Variants in AKR1C8 observed in about 807,000 individuals in gnomAD.
AKR1C8 encodes aldo-keto reductase family 1 member C8.
the AKR1C8 span, among the ~76,000 whole-genome samples, chr10:5,142,094 T>A: frequency 6.6e-6 from 1 of 152,144 alleles, no homozygotes; most frequent in Non-Finnish European, 1.5e-5. Flanking sequence ...CATCAGTACT[T>A]GCTTTATTTT....
chr10:5,158,210 A>G, the AKR1C8 span, among the ~76,000 whole-genome samples: 1 of 152,224 alleles, frequency 6.6e-6, no homozygotes, highest in Non-Finnish European at 1.5e-5. Flanking sequence ...TTTCCTAGCA[A>G]TGAGAAGTTA....
chr10:5,167,072 A>G, the AKR1C8 span, among the ~76,000 whole-genome samples: 1 of 152,186 alleles, frequency 6.6e-6, no homozygotes, highest in Non-Finnish European at 1.5e-5. Flanking sequence ...TACAAATCAA[A>G]CCCACAATGA....
the AKR1C8 span, chr10:5,123,694 C>T: frequency 0.33 from 516,707 of 1,585,800 alleles, 91,570 homozygotes; most frequent in Non-Finnish European, 0.37. Context: ...AGGTAAACTT[C>T]CTGATGCTCT....
chr10:5,175,384 A>G, the AKR1C8 span, among the ~76,000 whole-genome samples: 1 of 152,140 alleles, frequency 6.6e-6, no homozygotes, highest in Non-Finnish European at 1.5e-5. Flanking sequence ...ATTGTTGGAC[A>G]TTTGGGTTAG....
At chr10:5,175,414 T>G in the AKR1C8 span, among the ~76,000 whole-genome samples, 2 of 152,152 alleles carry the variant, frequency 1.3e-5, no homozygotes, top group Non-Finnish European at 2.9e-5. Flanking sequence ...TTTGCTGTTG[T>G]GAATAGTGCT....
chr10:5,152,680 G>A, the AKR1C8 span, among the ~76,000 whole-genome samples: 43,159 of 151,982 alleles, frequency 0.28, 6,911 homozygotes, highest in Non-Finnish European at 0.36. Context: ...GATTAGGAGA[G>A]GGTCAGAGAA....
chr10:5,140,444 A>G, the AKR1C8 span, among the ~76,000 whole-genome samples: 1 of 152,174 alleles, frequency 6.6e-6, no homozygotes, highest in Non-Finnish European at 1.5e-5. Context: ...TGGCACATAT[A>G]CACCATGGAA....
the AKR1C8 span, among the ~76,000 whole-genome samples, chr10:5,173,484 G>A: frequency 3.3e-5 from 5 of 151,964 alleles, no homozygotes; most frequent in Non-Finnish European, 7.4e-5. Flanking sequence ...CAAGTGAGAA[G>A]CAGATGCAAA....
At chr10:5,123,369 A>G in the AKR1C8 span, 1 of 318,816 alleles carries the variant, frequency 3.1e-6, no homozygotes. Flanking sequence ...AGGGCTGGGG[A>G]TCACTTGTGC....
the AKR1C8 span, among the ~76,000 whole-genome samples, chr10:5,178,743 T>C: frequency 6.6e-6 from 1 of 152,160 alleles, no homozygotes; most frequent in African/African-American, 2.4e-5. Context: ...AATGGCCTCA[T>C]CTCTTTTGAT....
At chr10:5,144,757 A>C in the AKR1C8 span, among the ~76,000 whole-genome samples, 1 of 152,012 alleles carries the variant, frequency 6.6e-6, no homozygotes, top group Non-Finnish European at 1.5e-5. Flanking sequence ...TTATCAGCTT[A>C]AGGAGATTTT....
chr10:5,178,612 T>G, the AKR1C8 span, among the ~76,000 whole-genome samples: 13 of 152,314 alleles, frequency 8.5e-5, no homozygotes, highest in Non-Finnish European at 1.6e-4. Context: ...TGTGTGGGAA[T>G]CTAAGTCTCT....
the AKR1C8 span, among the ~76,000 whole-genome samples, chr10:5,138,138 C>T: frequency 6.6e-6 from 1 of 152,012 alleles, no homozygotes. Context: ...AAGCAGAGAA[C>T]TGGTCTGACC....
chr10:5,136,252 GA>G, the AKR1C8 span, among the ~76,000 whole-genome samples: 1 of 152,096 alleles, frequency 6.6e-6, no homozygotes, highest in South Asian at 2.1e-4. Context: ...GGGCAAATTT[GA>G]ATGTAATGAT....
chr10:5,174,604 C>T, the AKR1C8 span, among the ~76,000 whole-genome samples: 17 of 151,942 alleles, frequency 1.1e-4, no homozygotes, highest in Non-Finnish European at 7.4e-5. Flanking sequence ...TAGAAAAACT[C>T]AGACTTTATG....
At chr10:5,174,981 A>G in the AKR1C8 span, among the ~76,000 whole-genome samples, 1 of 152,018 alleles carries the variant, frequency 6.6e-6, no homozygotes, top group African/African-American at 2.4e-5. Context: ...TTTTGTTATT[A>G]TTATATTTTA....
the AKR1C8 span, among the ~76,000 whole-genome samples, chr10:5,181,465 T>G: frequency 6.6e-6 from 1 of 152,166 alleles, no homozygotes; most frequent in African/African-American, 2.4e-5. Flanking sequence ...TTCTAACATA[T>G]TCGACAGGCT....
chr10:5,137,946 G>C, the AKR1C8 span, among the ~76,000 whole-genome samples: 1 of 151,948 alleles, frequency 6.6e-6, no homozygotes, highest in African/African-American at 2.4e-5. Context: ...TACTAATAAG[G>C]GTCTAAGAAA....
chr10:5,184,392 A>G, the AKR1C8 span, among the ~76,000 whole-genome samples: 102 of 152,336 alleles, frequency 6.7e-4, 1 homozygote, highest in African/African-American at 2.4e-3. Flanking sequence ...AAAGACTACT[A>G]TATTTTTAAT....
Sources: allele counts gnomAD v4.1 joint callset (sites outside exome capture counted in the v4.1 genomes callset), GRCh38; gene constraint gnomAD v4.1.1; transcripts MANE v1.5; gene names NCBI Gene and HGNC (gene_info 2026-07-23, HGNC 2026-07-21).